Variants in GRIA2 observed in about 807,000 individuals in gnomAD.
The protein encoded by GRIA2 is glutamate receptor 2.
A neutral mutation model predicts 97.3 loss-of-function variants in GRIA2; 14 were observed. The observed-to-expected ratio is 0.14, with a 90% CI of 0.10 to 0.23. GRIA2 has a LOEUF of 0.23. Ranked by LOEUF, GRIA2 falls within the 10% of genes least tolerant of loss-of-function variation. The probability of loss-of-function intolerance (pLI) is 1.00; values close to 1 mark genes in which losing one functional copy is unlikely to be tolerated. For missense variants in GRIA2, 558 were observed against 1,069.8 expected, an observed-to-expected ratio of 0.52 and a Z score of 6.67; for synonymous variants, 412 against 387.8, an observed-to-expected ratio of 1.06 and a Z score of -0.73.
intron 2 of GRIA2, among the ~76,000 whole-genome samples, chr4:157,279,790 T>G (rs1732511729): frequency 6.6e-6 from 1 of 152,174 alleles, no homozygotes; most frequent in African/African-American, 2.4e-5. Flanking sequence ...ATCATCATTT[T>G]TATTTTGTTT....
chr4:157,281,372 C>A (rs1732587603), intron 2 of GRIA2, among the ~76,000 whole-genome samples: 1 of 152,010 alleles, frequency 6.6e-6, no homozygotes, highest in African/African-American at 2.4e-5. Flanking sequence ...AAGAGCTGGT[C>A]CATATTTTCA....
At chr4:157,358,247 G>C (rs952354429) in intron 12 of GRIA2, among the ~76,000 whole-genome samples, 3 of 152,050 alleles carry the variant, frequency 2.0e-5, no homozygotes, top group Non-Finnish European at 4.4e-5. Flanking sequence ...TCTACAGTAG[G>C]CAAAGTTTCA....
intron 12 of GRIA2, among the ~76,000 whole-genome samples, chr4:157,358,899 A>T (rs1277811494): frequency 6.6e-6 from 1 of 152,146 alleles, no homozygotes; most frequent in African/African-American, 2.4e-5. Context: ...AGAATAAAAA[A>T]CAAACAAACC....
intron 2 of GRIA2, among the ~76,000 whole-genome samples, chr4:157,301,821 TC>T (rs1733628189): frequency 6.6e-6 from 1 of 152,098 alleles, no homozygotes; most frequent in African/African-American, 2.4e-5. Flanking sequence ...ATGACTGGTT[TC>T]CAGTTTTTGG....
At chr4:157,298,785 A>G (rs562846671) in intron 2 of GRIA2, among the ~76,000 whole-genome samples, 6 of 152,002 alleles carry the variant, frequency 3.9e-5, no homozygotes, top group Admixed American at 6.6e-5. Context: ...TTCTAAACCT[A>G]ACACTATGCT....
At chr4:157,324,603 C>G (rs534224075) in intron 6 of GRIA2, among the ~76,000 whole-genome samples, 2 of 152,128 alleles carry the variant, frequency 1.3e-5, no homozygotes, top group Non-Finnish European at 2.9e-5. Context: ...TACAGAGACT[C>G]GAAGTAAGGC....
At chr4:157,291,162 G>A (rs1301982585) in intron 2 of GRIA2, among the ~76,000 whole-genome samples, 1 of 151,864 alleles carries the variant, frequency 6.6e-6, no homozygotes, top group African/African-American at 2.4e-5. Context: ...TTCTGTCACA[G>A]AAATTAAATA....
rs577874221 is a variant in GRIA2, at chr4:157,280,625, G to A, written c.230-22927G>A. Among the ~76,000 whole-genome samples the A allele has an allele frequency of 1.2e-4, 19 of 152,016 alleles. No individual in the cohort carries two copies. In the East Asian group the frequency reaches 1.9e-3, roughly 16 times the overall value. On this transcript the variant is annotated intron_variant, in intron 2 of 15. Transcript: ENST00000264426. ...GAGCTGGGATGGTTGGGTCTCTCTC[G>A]TGTGTGCGTGCATGTATACGTGTTT...
chr4:157,293,557 G>A (rs576718632), intron 2 of GRIA2, among the ~76,000 whole-genome samples: 4 of 152,170 alleles, frequency 2.6e-5, no homozygotes, highest in South Asian at 2.1e-4. Flanking sequence ...TGTTAACAAG[G>A]GTTGCTTCTG....
At chr4:157,272,367 A>G (rs1019364038) in intron 2 of GRIA2, among the ~76,000 whole-genome samples, 7 of 152,058 alleles carry the variant, frequency 4.6e-5, no homozygotes, top group African/African-American at 1.7e-4. Context: ...TGCCACCCCT[A>G]AAACTGGAGA....
chr4:157,342,922 ACACATT>A (rs1735608437), intron 12 of GRIA2, among the ~76,000 whole-genome samples: 1 of 152,088 alleles, frequency 6.6e-6, no homozygotes, highest in South Asian at 2.1e-4. Flanking sequence ...TTTCACTACT[ACACATT>A]CACATTCACA....
At chr4:157,277,579 G>A (rs1579325786) in intron 2 of GRIA2, among the ~76,000 whole-genome samples, 1 of 151,504 alleles carries the variant, frequency 6.6e-6, no homozygotes, top group Non-Finnish European at 1.5e-5. Flanking sequence ...TGGGAAGGAA[G>A]AAATAAAACT....
rs1579396161 is a variant in GRIA2 at position 157,363,046 on chromosome 4, G to A, written c.*2G>A. 1.2e-6 allele frequency: 2 copies of A among 1,607,226 alleles called. No individual in the cohort carries two copies. Among genetic ancestry groups the A allele is most frequent in the Non-Finnish European group, 1.7e-6 (2 of 1,175,758 alleles). ...GGCATCGAAAGTGTTAAAATTTAGG[G>A]GGTAGGAACGAGGCTCTAATACAAA... On this transcript the variant is annotated splice_region_variant and 3_prime_UTR_variant, in exon 15 of 16. Transcript: ENST00000264426.
chr4:157,223,878 T>G (rs1354354757), intron 2 of GRIA2, among the ~76,000 whole-genome samples: 1 of 152,200 alleles, frequency 6.6e-6, no homozygotes, highest in East Asian at 1.9e-4. Flanking sequence ...GCTAAACTAC[T>G]GTATTGGGGC....
At chr4:157,342,021 CT>C in intron 12 of GRIA2, 1 of 496,906 alleles carries the variant, frequency 2.0e-6, no homozygotes, top group Non-Finnish European at 2.6e-6. Flanking sequence ...ATGTAGGTTA[CT>C]TTTTTCTTTT....
chr4:157,247,926 C>T (rs927471640), intron 2 of GRIA2, among the ~76,000 whole-genome samples: 3 of 151,986 alleles, frequency 2.0e-5, no homozygotes, highest in Admixed American at 1.3e-4. Flanking sequence ...AGACAGACGC[C>T]TAATCTTTGC....
intron 5 of GRIA2, among the ~76,000 whole-genome samples, chr4:157,318,807 G>A (rs1734435409): frequency 6.6e-6 from 1 of 152,148 alleles, no homozygotes; most frequent in Non-Finnish European, 1.5e-5. Context: ...GAGGCAGAGA[G>A]CTTATTTTAA....
At chr4:157,236,595 G>C (rs899817485) in intron 2 of GRIA2, among the ~76,000 whole-genome samples, 16 of 152,076 alleles carry the variant, frequency 1.1e-4, no homozygotes, top group East Asian at 9.6e-4. Context: ...TAGTCAAAAA[G>C]TGTTTGCATT....
intron 2 of GRIA2, among the ~76,000 whole-genome samples, chr4:157,281,777 G>A (rs1350175295): frequency 6.6e-6 from 1 of 152,030 alleles, no homozygotes; most frequent in Non-Finnish European, 1.5e-5. Flanking sequence ...TTTCTTAACT[G>A]TGCCAGGTGG....
Sources: gnomAD v4.1 joint callset for allele counts (sites outside exome capture counted in the v4.1 genomes callset) on GRCh38, gnomAD v4.1.1 for gene constraint, MANE v1.5 for transcripts, NCBI Gene and HGNC (gene_info 2026-07-23, HGNC 2026-07-21) for gene names.